Variants in ENTPD5 observed in about 807,000 individuals in gnomAD.
The protein encoded by ENTPD5 is ectonucleoside triphosphate diphosphohydrolase 5 (inactive), also known as nucleoside diphosphate phosphatase ENTPD5.
Under a neutral mutation model 60.2 loss-of-function variants are expected in ENTPD5, and 49 were observed. That is an observed-to-expected ratio of 0.81 (90% CI 0.65 to 1.03). The LOEUF (loss-of-function observed/expected upper bound fraction) is 1.03, where lower values mean the gene tolerates loss of function less well. Among genes scored for constraint, ENTPD5 ranks in the 50% least tolerant of loss-of-function variants. The pLI is 0.00. For missense variants in ENTPD5, 480 were observed against 507.6 expected (o/e 0.95, Z 0.52); for synonymous variants, 187 against 185.4 (o/e 1.01, Z -0.07).
intron 14 of ENTPD5, among the ~76,000 whole-genome samples, chr14:73,970,914 C>G (rs535845417): frequency 2.0e-5 from 3 of 151,986 alleles, no homozygotes; most frequent in African/African-American, 7.2e-5. Flanking sequence ...CAGCCTCAAG[C>G]TCCTGGGTTC....
rs144401752 is a variant in ENTPD5, at chr14:73,976,342, C to G, written c.624G>C (p.Thr208=). ...GACTCACCTCAAACTGGGGCAGGAA[C>G]GTGATTTGGGTGGAGGCTCCCCCTA... ...LDLGGASTQI[T]FLPQFEKTLE... Residue 208 remains threonine, a synonymous_variant, in exon 9 of 16, where the codon ACG becomes ACC. Coordinates refer to ENST00000334696, the MANE Select transcript of ENTPD5 (RefSeq NM_001249.5). 1 of 1,613,938 alleles carries G rather than the reference C, an allele frequency of 6.2e-7. No homozygotes were observed. Among genetic ancestry groups the G allele is most frequent in the Admixed American group, 1.7e-5 (1 of 59,976 alleles).
intron 3 of ENTPD5, among the ~76,000 whole-genome samples, chr14:74,009,588 C>T (rs899508879): frequency 6.6e-6 from 1 of 152,086 alleles, no homozygotes; most frequent in Non-Finnish European, 1.5e-5. Context: ...CTTTAAAATG[C>T]TTTCCTTCTA....
intron 6 of ENTPD5, among the ~76,000 whole-genome samples, chr14:73,979,403 T>C (rs574518769): frequency 2.0e-5 from 3 of 152,228 alleles, no homozygotes; most frequent in Non-Finnish European, 4.4e-5. Context: ...GCAAAGACCA[T>C]TTTTGTATTT....
rs1323858268 is a variant in ENTPD5 at position 73,974,931 on chromosome 14, C to T, written c.777G>A (p.Glu259=). The T allele has an allele frequency of 6.2e-7, 1 of 1,613,610 alleles. No homozygotes were observed. Among genetic ancestry groups the T allele is most frequent in the South Asian group, 1.1e-5 (1 of 91,052 alleles). The part of the protein sequence containing the change: ...AARLATLGAL[E]TEGTDGHTFR... ...ACAGGTACCCAGACAAACCTTCTGTCTCCAGGGCTCCCAGGGTTGCTAGTC... is the reference window on the plus strand; with the variant it reads ...ACAGGTACCCAGACAAACCTTCTGTTTCCAGGGCTCCCAGGGTTGCTAGTC... The change falls in exon 11 of 16, where the codon GAG becomes GAA. Residue 259 remains glutamate, a synonymous_variant. Coordinates refer to ENST00000334696, the MANE Select transcript of ENTPD5 (RefSeq NM_001249.5).
At chr14:73,990,758 G>C (rs1270081383) in intron 3 of ENTPD5, among the ~76,000 whole-genome samples, 2 of 152,098 alleles carry the variant, frequency 1.3e-5, no homozygotes, top group Admixed American at 1.3e-4. Flanking sequence ...GCTGGGTGCA[G>C]TGGCTCATGC....
downstream of ENTPD5, among the ~76,000 whole-genome samples, chr14:73,957,101 A>T (rs4903160): frequency 0.22 from 31,027 of 143,120 alleles, 3,706 homozygotes; most frequent in East Asian, 0.5. Context: ...TATTATTATT[A>T]TTTTTTTTTT....
downstream of ENTPD5, chr14:73,961,142 C>T: frequency 2.5e-6 from 4 of 1,608,356 alleles, no homozygotes; most frequent in South Asian, 3.3e-5. Context: ...TCACATTTCA[C>T]CTTGTTTGTC....
Position 73,972,977 on chromosome 14 carries a change from G to T in ENTPD5, c.934C>A (p.Arg312=), listed in dbSNP as rs142194519. 2 of 1,614,020 alleles carry T rather than the reference G, an allele frequency of 1.2e-6. No homozygotes were observed. Among genetic ancestry groups the T allele is most frequent in the African/African-American group, 1.3e-5 (1 of 74,912 alleles). Residue 312 remains arginine, a synonymous_variant, in exon 13 of 16, where the codon CGA becomes AGA. Coordinates refer to ENST00000334696, the MANE Select transcript of ENTPD5 (RefSeq NM_001249.5). ...TCCTCTGGCTGGTGAAGTTTTCCTCGTACCACCCTCAGCACTTCGGCATAG... is the reference window on the plus strand; with the variant it reads ...TCCTCTGGCTGGTGAAGTTTTCCTCTTACCACCCTCAGCACTTCGGCATAG... ...PCYAEVLRVV[R]GKLHQPEEVQ...
At position 73,964,988 on chromosome 14, in the gene ENTPD5, TG is replaced by T. The variant is rs2056915255; in HGVS notation, c.*1939del. The T allele has an allele frequency of 6.6e-6, 1 of 152,230 alleles. No individual in the cohort carries two copies. Among genetic ancestry groups the T allele is most frequent in the African/African-American group, 2.4e-5 (1 of 41,456 alleles). 9.4% of individuals were successfully genotyped at this position (152,230 alleles called of 1,614,324 possible). The stretch of plus-strand genomic sequence containing the variant: ...TGAGTACAACATTGGATTATTTCTT[TG>T]GGCTGTTTCCAACTCAAGATTCTGT... On this transcript the variant is annotated 3_prime_UTR_variant, in exon 16 of 16. Transcript: ENST00000334696.
intron 3 of ENTPD5, among the ~76,000 whole-genome samples, chr14:74,004,370 A>G (rs1290766382): frequency 6.6e-6 from 1 of 151,998 alleles, no homozygotes; most frequent in African/African-American, 2.4e-5. Context: ...GTTTCGCCAT[A>G]TTGGCCAGGC....
chr14:73,958,709 T>C (rs2056561763), downstream of ENTPD5: 1 of 1,380,420 alleles, frequency 7.2e-7, no homozygotes, highest in Non-Finnish European at 9.4e-7. Flanking sequence ...TATTGCTCTC[T>C]AGTTCAAATA....
chr14:73,977,014 G>A lies in ENTPD5; in HGVS notation c.553+10C>T. ...GTTAAGCTCTAAAGATAAACTTGAG[G>A]ATGTATTACCTGTCAGAAAATTCAC... On this transcript the variant is annotated intron_variant, in intron 8 of 15. Transcript: ENST00000334696. The A allele has an allele frequency of 1.2e-6, 2 of 1,607,958 alleles. No homozygotes were observed. Among genetic ancestry groups the A allele is most frequent in the Non-Finnish European group, 1.7e-6 (2 of 1,174,672 alleles).
At chr14:73,998,993 G>C (rs913503501) in intron 3 of ENTPD5, among the ~76,000 whole-genome samples, 1 of 152,094 alleles carries the variant, frequency 6.6e-6, no homozygotes, top group African/African-American at 2.4e-5. Context: ...GAATCTGGTA[G>C]TTACATGTAA....
At chr14:73,975,403 C>CTT (rs56885977) in intron 10 of ENTPD5, among the ~76,000 whole-genome samples, 1 of 115,572 alleles carries the variant, frequency 8.7e-6, no homozygotes, top group African/African-American at 3.6e-5. Context: ...GCTTTTGATT[C>CTT]TTTTTTTTTT....
chr14:74,000,157 T>G (rs1387290334), intron 3 of ENTPD5, among the ~76,000 whole-genome samples: 1 of 147,814 alleles, frequency 6.8e-6, no homozygotes, highest in African/African-American at 2.5e-5. Flanking sequence ...TGGAAACGCA[T>G]CAAGAAAAGA....
chr14:74,011,938 G>A (rs1222647081), intron 2 of ENTPD5, among the ~76,000 whole-genome samples: 3 of 151,960 alleles, frequency 2.0e-5, no homozygotes, highest in Non-Finnish European at 2.9e-5. Flanking sequence ...AAGAATTTGA[G>A]TTTATATATT....
chr14:74,009,675 T>C lies in ENTPD5; in HGVS notation c.-71+1416A>G, dbSNP rs192664184. Among the ~76,000 whole-genome samples, 183 of 152,314 alleles carry C rather than the reference T, an allele frequency of 1.2e-3. 1 individual carries two copies. Among genetic ancestry groups the C allele is most frequent in the Middle Eastern group, 3.4e-3 (1 of 294 alleles). On this transcript the variant is annotated intron_variant, in intron 3 of 15. Coordinates refer to ENST00000334696, the MANE Select transcript of ENTPD5 (RefSeq NM_001249.5). ...TCTTGCTCTGTCACCCAGGCTGCAG[T>C]GGAGCAATCACAGCTCACTGCGGCC... is the stretch of plus-strand genomic sequence containing the variant.
chr14:73,978,479 T>A (rs2057535943), intron 6 of ENTPD5, among the ~76,000 whole-genome samples: 1 of 152,044 alleles, frequency 6.6e-6, no homozygotes, highest in Non-Finnish European at 1.5e-5. Context: ...TGGGCACCTG[T>A]AATCCCAGCT....
At chr14:73,968,380 C>T (rs982148564) in intron 15 of ENTPD5, among the ~76,000 whole-genome samples, 3 of 151,566 alleles carry the variant, frequency 2.0e-5, no homozygotes, top group Non-Finnish European at 4.4e-5. Context: ...ATCTCTGCTT[C>T]AACCAGAATA....
Sources: allele counts gnomAD v4.1 joint callset (sites outside exome capture counted in the v4.1 genomes callset), GRCh38; gene constraint gnomAD v4.1.1; transcripts MANE v1.5; gene names NCBI Gene and HGNC (gene_info 2026-07-23, HGNC 2026-07-21).